The following GLIPR2 variants were observed in gnomAD, a reference collection of about 807,000 sequenced individuals.
GLIPR2 encodes the protein Golgi-associated plant pathogenesis-related protein 1.
Under a neutral mutation model 20.4 loss-of-function variants are expected in GLIPR2, and 21 were observed. The observed-to-expected ratio is 1.03, with a 90% CI of 0.73 to 1.48. The LOEUF is 1.48. Among genes scored for constraint, GLIPR2 ranks in the 40% most tolerant of loss-of-function variants. The pLI is 0.00. For synonymous variants in GLIPR2, 91 were observed against 80.5 expected, an observed-to-expected ratio of 1.13 and a Z score of -0.70; for missense variants, 205 against 200.1, an observed-to-expected ratio of 1.02 and a Z score of -0.15.
At chr9:36,161,514 A>AG (rs1554647276) in intron 4 of GLIPR2, among the ~76,000 whole-genome samples, 2 of 151,424 alleles carry the variant, frequency 1.3e-5, no homozygotes, top group Non-Finnish European at 2.9e-5. Context: ...AAAAAAAAAA[A>AG]AGGGCCCAGG....
chr9:36,160,850 T>C (rs1248735283), intron 4 of GLIPR2, among the ~76,000 whole-genome samples: 1 of 152,122 alleles, frequency 6.6e-6, no homozygotes, highest in Non-Finnish European at 1.5e-5. Flanking sequence ...AACACCAGCC[T>C]GGACAACATG....
chr9:36,141,401 G>A lies in GLIPR2; in HGVS notation c.13+4610G>A, dbSNP rs143670849. Among the ~76,000 whole-genome samples, 4 of 151,020 alleles carry A rather than the reference G, an allele frequency of 2.6e-5. No individual in the cohort carries two copies. In the East Asian group the frequency reaches 5.8e-4, roughly 22 times the overall value. On this transcript the variant is annotated intron_variant, in intron 1 of 4. Transcript: ENST00000377960. ...TTTATTCTTTCTTCCTGATAAACAA[G>A]CAAAACCAGCTTTGCCCCGAAGGCA...
intron 4 of GLIPR2, among the ~76,000 whole-genome samples, chr9:36,153,122 C>CAAAA (rs755775246): frequency 7.9e-5 from 7 of 88,416 alleles, no homozygotes; most frequent in East Asian, 3.7e-4. Flanking sequence ...GACTCTGTCT[C>CAAAA]AAAAAAAAAA....
chr9:36,138,655 T>C (rs1824935836), intron 1 of GLIPR2, among the ~76,000 whole-genome samples: 1 of 152,216 alleles, frequency 6.6e-6, no homozygotes, highest in South Asian at 2.1e-4. Context: ...CAGCTCTGTA[T>C]CAAGCTGTGG....
At chr9:36,145,755 C>T (rs113928677) in intron 1 of GLIPR2, among the ~76,000 whole-genome samples, 2,639 of 151,724 alleles carry the variant, frequency 0.017, 79 homozygotes, top group African/African-American at 0.06. Flanking sequence ...GGTGGATGGA[C>T]AGATGAATGG....
At chr9:36,143,285 C>T (rs900485578) in intron 1 of GLIPR2, among the ~76,000 whole-genome samples, 8 of 152,146 alleles carry the variant, frequency 5.3e-5, no homozygotes, top group Non-Finnish European at 8.8e-5. Context: ...CCAGGATACA[C>T]GTGGTCCCTT....
rs58811071 is a variant in GLIPR2, at chr9:36,162,048, AC to A, written c.305-312del. 7.4e-3 allele frequency among the ~76,000 whole-genome samples: 1,120 copies of A among 152,164 alleles called. 14 individuals are homozygous for A. Among genetic ancestry groups the A allele is most frequent in the African/African-American group, 0.026 (1,070 of 41,516 alleles). Reference sequence around the variant, plus strand: ...AAATTAGCTGGGCGTGGTGGCATGCACCTGTAGTCCCAGCTACTTGGGAGGC... The same window carrying A: ...AAATTAGCTGGGCGTGGTGGCATGCACTGTAGTCCCAGCTACTTGGGAGGC... On this transcript the variant is annotated intron_variant, in intron 4 of 4. Coordinates refer to ENST00000377960, the MANE Select transcript of GLIPR2 (RefSeq NM_022343.4).
chr9:36,140,684 A>T (rs1362862752), intron 1 of GLIPR2, among the ~76,000 whole-genome samples: 1 of 152,162 alleles, frequency 6.6e-6, no homozygotes, highest in Non-Finnish European at 1.5e-5. Context: ...CATTCTTGCC[A>T]TTTGGAAAAG....
chr9:36,140,007 C>G (rs1291289384), intron 1 of GLIPR2, among the ~76,000 whole-genome samples: 4 of 152,202 alleles, frequency 2.6e-5, no homozygotes, highest in Non-Finnish European at 5.9e-5. Context: ...CACTGCCAGG[C>G]AGTTATTATC....
chr9:36,147,711 C>A, intron 1 of GLIPR2, 75 bp from the exon 2 acceptor site: 1 of 788,150 alleles, frequency 1.3e-6, no homozygotes, highest in Non-Finnish European at 2.3e-6. Flanking sequence ...CTGGGTGTTG[C>A]TTTCAGCATG....
Position 36,136,970 on chromosome 9 carries a change from G to A in GLIPR2, c.13+179G>A. 3.0e-6 allele frequency: 2 copies of A among 663,650 alleles called. No homozygotes were observed. The highest frequency in any genetic ancestry group is 4.3e-6 in the Non-Finnish European group (2 of 470,574). The allele number at this position is 663,650 out of a possible 1,614,324, so 41.1% of individuals were successfully genotyped here. A position where few individuals can be genotyped will look rare whatever the true frequency, so the allele number is the denominator to read the frequency against. On this transcript the variant is annotated intron_variant, in intron 1 of 4. Coordinates refer to ENST00000377960, the MANE Select transcript of GLIPR2 (RefSeq NM_022343.4). This position sits in a 1 kb window ranked among gnomAD's most constrained non-coding sequence, Gnocchi z 4.3. Reference sequence around the variant, plus strand: ...TCCGGGGAACCCGGGGGGAAGGCGAGCCCGAGGGAGGCCCCCGCCGGAGAG... The same window carrying A: ...TCCGGGGAACCCGGGGGGAAGGCGAACCCGAGGGAGGCCCCCGCCGGAGAG...
At chr9:36,150,290 C>T (rs759495121) in intron 3 of GLIPR2, among the ~76,000 whole-genome samples, 36 of 152,128 alleles carry the variant, frequency 2.4e-4, no homozygotes, top group Non-Finnish European at 3.5e-4. Flanking sequence ...CTCTGAGGTC[C>T]CCGCTCCTGG....
intron 4 of GLIPR2, among the ~76,000 whole-genome samples, chr9:36,152,466 T>C (rs999772503): frequency 6.6e-6 from 1 of 152,044 alleles, no homozygotes; most frequent in Non-Finnish European, 1.5e-5. Flanking sequence ...AGTGCCTCCA[T>C]GGGCTGGGTG....
intron 4 of GLIPR2, among the ~76,000 whole-genome samples, chr9:36,157,477 G>A (rs1787236892): frequency 6.6e-6 from 1 of 151,340 alleles, no homozygotes; most frequent in Non-Finnish European, 1.5e-5. Flanking sequence ...CTCCCAAGTA[G>A]CTGGGGTTAC....
chr9:36,141,717 G>A (rs752233817), intron 1 of GLIPR2: 4 of 419,122 alleles, frequency 9.5e-6, no homozygotes, highest in African/African-American at 4.2e-5. Flanking sequence ...GCAGTGGTGC[G>A]ATCATGGCTC....
At chr9:36,158,899 T>C (rs1825943238) in intron 4 of GLIPR2, among the ~76,000 whole-genome samples, 1 of 152,094 alleles carries the variant, frequency 6.6e-6, no homozygotes, top group Admixed American at 6.6e-5. Context: ...ACCCCATCTC[T>C]ACTAAAGATA....
Position 36,150,700 on chromosome 9 carries a change from G to A in GLIPR2, c.227-172G>A, listed in dbSNP as rs903246404. Among the ~76,000 whole-genome samples, 7 of 152,296 alleles carry A rather than the reference G, an allele frequency of 4.6e-5. No homozygotes were observed. The East Asian group carries it at 1.3e-3, about 29-fold the overall frequency. On this transcript the variant is annotated intron_variant, in intron 3 of 4. Transcript: ENST00000377960. ...ACTCTTCAGCCTGGCCATGCTCATGGGCAGGAGTCCCTGAGTCTGCAAAGC... is the reference window on the plus strand; with the variant it reads ...ACTCTTCAGCCTGGCCATGCTCATGAGCAGGAGTCCCTGAGTCTGCAAAGC...
chr9:36,138,742 T>C (rs141141114), intron 1 of GLIPR2, among the ~76,000 whole-genome samples: 382 of 152,248 alleles, frequency 2.5e-3, no homozygotes, highest in African/African-American at 8.9e-3. Context: ...ACAGGCACTA[T>C]CTGGCTCGAG....
intron 1 of GLIPR2, among the ~76,000 whole-genome samples, chr9:36,137,933 T>C (rs942131581): frequency 3.3e-5 from 5 of 152,238 alleles, no homozygotes; most frequent in Non-Finnish European, 7.4e-5. Flanking sequence ...TAGAGGCAGG[T>C]CTGGCTTTCA....
Sources: gnomAD v4.1 joint callset for allele counts (sites outside exome capture counted in the v4.1 genomes callset) on GRCh38, gnomAD v4.1.1 for gene constraint, Gnocchi (gnomAD v3.1) non-coding constraint, MANE v1.5 for transcripts, NCBI Gene and HGNC (gene_info 2026-07-23, HGNC 2026-07-21) for gene names.